Variants in MAGI2 observed in about 807,000 individuals in gnomAD.
MAGI2 encodes membrane-associated guanylate kinase, WW and PDZ domain-containing protein 2.
Under a neutral mutation model 133.3 loss-of-function variants are expected in MAGI2, and 35 were observed. The ratio of observed to expected loss-of-function variants is 0.26; its 90% CI spans 0.20 to 0.35. The LOEUF (loss-of-function observed/expected upper bound fraction) is 0.35, where lower values mean the gene tolerates loss of function less well. Among genes scored for constraint, MAGI2 ranks in the 10% least tolerant of loss-of-function variants. The pLI, the probability that MAGI2 is intolerant of heterozygous loss-of-function variation, is 1.00. For synonymous variants in MAGI2, 729 were observed against 710.6 expected (o/e 1.03, Z -0.41); for missense variants, 1,636 against 1,863.4 (o/e 0.88, Z 2.25).
intron 16 of MAGI2, among the ~76,000 whole-genome samples, chr7:78,151,008 T>C (rs1405434156): frequency 6.6e-6 from 1 of 151,280 alleles, no homozygotes; most frequent in Admixed American, 6.6e-5. Context: ...ACTTCATAAA[T>C]GCTTCAGTGT....
At chr7:78,265,676 C>A (rs1793928858) in intron 9 of MAGI2, among the ~76,000 whole-genome samples, 1 of 152,196 alleles carries the variant, frequency 6.6e-6, no homozygotes, top group African/African-American at 2.4e-5. Flanking sequence ...CCGCCCCCAA[C>A]CCCCACTCCA....
At chr7:78,038,364 C>A (rs1810451639) in intron 21 of MAGI2, among the ~76,000 whole-genome samples, 1 of 151,788 alleles carries the variant, frequency 6.6e-6, no homozygotes, top group African/African-American at 2.4e-5. Flanking sequence ...AGGATCTGCA[C>A]CTGTAATGTA....
Position 78,966,466 on chromosome 7 carries a change from A to G in MAGI2, c.418+40624T>C, listed in dbSNP as rs558512197. Among the ~76,000 whole-genome samples, 15 of 152,240 alleles carry G rather than the reference A, an allele frequency of 9.9e-5. No homozygotes were observed. In the South Asian group the frequency reaches 2.7e-3, roughly 27 times the overall value. Reference sequence around the variant, plus strand: ...ACTGGCTTATTTCATTTAGCATAATATCCTAAAAGTTCATCCATGTTATCC... The same window carrying G: ...ACTGGCTTATTTCATTTAGCATAATGTCCTAAAAGTTCATCCATGTTATCC... On this transcript the variant is annotated intron_variant, in intron 2 of 21. Transcript: ENST00000354212.
intron 1 of MAGI2, among the ~76,000 whole-genome samples, chr7:79,306,029 G>A (rs1837764612): frequency 6.7e-6 from 1 of 150,102 alleles, no homozygotes. Flanking sequence ...GGCAGGGTGG[G>A]GGTGTCTTCC....
At chr7:79,121,320 C>G (rs1314868838) in intron 1 of MAGI2, among the ~76,000 whole-genome samples, 1 of 152,136 alleles carries the variant, frequency 6.6e-6, no homozygotes, top group Non-Finnish European at 1.5e-5. Flanking sequence ...TTCTAATAGA[C>G]TTCTCCCTTT....
At chr7:78,374,282 T>C (rs971241323) in intron 6 of MAGI2, among the ~76,000 whole-genome samples, 1 of 152,172 alleles carries the variant, frequency 6.6e-6, no homozygotes. Flanking sequence ...TGGTATCCTT[T>C]TGTGGTTTGA....
chr7:79,190,148 G>T (rs1827526250), intron 1 of MAGI2, among the ~76,000 whole-genome samples: 1 of 151,782 alleles, frequency 6.6e-6, no homozygotes, highest in South Asian at 2.1e-4. Flanking sequence ...ATACCAAGGA[G>T]CATGGTTGTT....
chr7:79,052,704 AT>A (rs1192281527), intron 1 of MAGI2, among the ~76,000 whole-genome samples: 2 of 152,182 alleles, frequency 1.3e-5, no homozygotes. Flanking sequence ...TAAACCAAAA[AT>A]TGGTCTATCT....
intron 3 of MAGI2, among the ~76,000 whole-genome samples, chr7:78,528,647 A>T (rs1003876663): frequency 2.6e-5 from 4 of 152,186 alleles, no homozygotes; most frequent in Non-Finnish European, 4.4e-5. Context: ...TTACTGCAGA[A>T]TTCTTTTGTC....
At chr7:78,066,387 G>C (rs552287256) in intron 21 of MAGI2, among the ~76,000 whole-genome samples, 1 of 151,882 alleles carries the variant, frequency 6.6e-6, no homozygotes, top group African/African-American at 2.4e-5. Context: ...ACTTGAACCC[G>C]GGAGGCAGAG....
At position 78,292,060 on chromosome 7, in the gene MAGI2, A is replaced by T. The variant is rs1302411559; in HGVS notation, c.1409-35479T>A. Among the ~76,000 whole-genome samples the T allele has an allele frequency of 3.9e-5, 6 of 152,318 alleles. No homozygotes were observed. The South Asian group carries it at 1.0e-3, about 26-fold the overall frequency. On this transcript the variant is annotated intron_variant, in intron 9 of 21. Transcript: ENST00000354212. ...CCCTCTCTCACCACTCCTATTCAAC[A>T]TAGTATTGGAAGTTCTGGCCAGGGC...
chr7:78,885,552 C>T (rs1796196899), intron 2 of MAGI2, among the ~76,000 whole-genome samples: 1 of 151,912 alleles, frequency 6.6e-6, no homozygotes, highest in African/African-American at 2.4e-5. Flanking sequence ...ACAAAGAGCA[C>T]AGGCCAATGT....
At chr7:78,912,816 T>G (rs185680858) in intron 2 of MAGI2, among the ~76,000 whole-genome samples, 4 of 144,878 alleles carry the variant, frequency 2.8e-5, no homozygotes, top group African/African-American at 1.0e-4. Flanking sequence ...ATATATATCA[T>G]TCATATATAT....
At chr7:78,749,951 G>C (rs1258171137) in intron 2 of MAGI2, among the ~76,000 whole-genome samples, 1 of 152,086 alleles carries the variant, frequency 6.6e-6, no homozygotes, top group Non-Finnish European at 1.5e-5. Flanking sequence ...TGTTATATAG[G>C]TATACACGTG....
chr7:78,471,822 G>A lies in MAGI2; in HGVS notation c.1045+17939C>T, dbSNP rs192735926. ...CACTTGTAATCCCAGCTACTCAGGA[G>A]GCTGAGGCAGGAGAATCACTTGAAC... On this transcript the variant is annotated intron_variant, in intron 6 of 21. Coordinates refer to ENST00000354212, the MANE Select transcript of MAGI2 (RefSeq NM_012301.4). 6.0e-4 allele frequency among the ~76,000 whole-genome samples: 91 copies of A among 152,080 alleles called. No individual in the cohort carries two copies. In the Middle Eastern group the frequency reaches 0.01, roughly 17 times the overall value.
chr7:79,362,263 T>G (rs1218199189), intron 1 of MAGI2, among the ~76,000 whole-genome samples: 1 of 152,034 alleles, frequency 6.6e-6, no homozygotes, highest in Non-Finnish European at 1.5e-5. Context: ...GTTAATAAAT[T>G]CAGCAACTTA....
Position 78,032,104 on chromosome 7 carries a change from G to C in MAGI2, c.3707-12128C>G, listed in dbSNP as rs138332120. ...CCTGTGCCTGGAGCTGTCCAATTGT[G>C]TTATTGTATTTCAGCAAGGATATCC... is the stretch of plus-strand genomic sequence containing the variant. On this transcript the variant is annotated intron_variant, in intron 21 of 21. Coordinates refer to ENST00000354212, the MANE Select transcript of MAGI2 (RefSeq NM_012301.4). 1.1e-4 allele frequency among the ~76,000 whole-genome samples: 17 copies of C among 148,902 alleles called. No individual in the cohort carries two copies. In the East Asian group the frequency reaches 2.6e-3, roughly 23 times the overall value.
At chr7:79,196,787 A>G (rs1451304204) in intron 1 of MAGI2, among the ~76,000 whole-genome samples, 1 of 151,640 alleles carries the variant, frequency 6.6e-6, no homozygotes, top group Non-Finnish European at 1.5e-5. Context: ...TTGTATTTTG[A>G]GATAGGGTCT....
intron 1 of MAGI2, among the ~76,000 whole-genome samples, chr7:79,105,148 A>G (rs1045125635): frequency 1.3e-5 from 2 of 152,236 alleles, no homozygotes; most frequent in Non-Finnish European, 2.9e-5. Context: ...TGCTGCAGTT[A>G]TGCGAGTTTC....
Sources: gnomAD v4.1 joint callset for allele counts (sites outside exome capture counted in the v4.1 genomes callset) on GRCh38, gnomAD v4.1.1 for gene constraint, MANE v1.5 for transcripts, NCBI Gene and HGNC (gene_info 2026-07-23, HGNC 2026-07-21) for gene names.